OPTN: variants seen among roughly 807,000 people sequenced by gnomAD.
The protein encoded by OPTN is E3-14.7K-interacting protein.
A neutral mutation model predicts 70.4 loss-of-function variants in OPTN; 54 were observed. The ratio of observed to expected loss-of-function variants is 0.77; its 90% CI spans 0.62 to 0.96. OPTN has a LOEUF of 0.96. Among genes scored for constraint, OPTN ranks in the 40% least tolerant of loss-of-function variants. OPTN has a pLI of 0.00. For synonymous variants in OPTN, 256 were observed against 248.5 expected (o/e 1.03, Z -0.28); for missense variants, 624 against 673.2 (o/e 0.93, Z 0.81).
chr10:13,120,740 G>A (rs1833330222), intron 7 of OPTN, among the ~76,000 whole-genome samples: 1 of 152,084 alleles, frequency 6.6e-6, no homozygotes, highest in African/African-American at 2.4e-5. Context: ...AATGTCTTGA[G>A]TACTATAGCT....
intron 12 of OPTN, among the ~76,000 whole-genome samples, chr10:13,128,770 T>G (rs974198167): frequency 5.9e-5 from 9 of 152,026 alleles, no homozygotes; most frequent in Non-Finnish European, 1.3e-4. Flanking sequence ...CTCAAACTCC[T>G]GACCTCAGGT....
chr10:13,109,524 C>T (rs1832946847), intron 3 of OPTN: 2 of 520,054 alleles, frequency 3.8e-6, no homozygotes, highest in East Asian at 3.4e-5. Context: ...TGATATTTAG[C>T]CCATTCAAAA....
intron 13 of OPTN, 40 bp downstream of exon 13, chr10:13,132,237 C>T: frequency 6.2e-7 from 1 of 1,606,630 alleles, no homozygotes; most frequent in South Asian, 1.1e-5. Flanking sequence ...CTCACATCAG[C>T]ATGGCCGTAG....
chr10:13,127,981 G>A, intron 12 of OPTN, 78 bp downstream of exon 12: 2 of 1,487,464 alleles, frequency 1.3e-6, no homozygotes, highest in South Asian at 1.1e-5. Flanking sequence ...ATGGTGTTTA[G>A]AATGTTTGTA....
intron 9 of OPTN, 27 bp from the exon 10 acceptor site, chr10:13,125,391 T>C (rs754716904): frequency 6.2e-7 from 1 of 1,613,634 alleles, no homozygotes; most frequent in Non-Finnish European, 8.5e-7. Flanking sequence ...GCATTGTTTA[T>C]CCTCATGAAA....
At chr10:13,117,416 C>CT (rs531259062) in intron 6 of OPTN, among the ~76,000 whole-genome samples, 10 of 110,256 alleles carry the variant, frequency 9.1e-5, no homozygotes, top group South Asian at 3.0e-4. Flanking sequence ...AGAGATCCAT[C>CT]TTTTTTTTTT....
chr10:13,123,392 T>C (rs1256128727), intron 8 of OPTN, among the ~76,000 whole-genome samples: 2 of 152,228 alleles, frequency 1.3e-5, no homozygotes, highest in Non-Finnish European at 2.9e-5. Flanking sequence ...ATTGAATGCC[T>C]ATTGTATGTC....
chr10:13,125,059 C>CT (rs989036844), intron 9 of OPTN, among the ~76,000 whole-genome samples: 7 of 151,434 alleles, frequency 4.6e-5, no homozygotes, highest in Middle Eastern at 3.2e-3. Context: ...GAACCTATAA[C>CT]TTTTTTTTTA....
chr10:13,115,547 T>TA (rs1456262371), intron 5 of OPTN, among the ~76,000 whole-genome samples: 173 of 66,674 alleles, frequency 2.6e-3, no homozygotes, highest in Admixed American at 3.3e-3. Flanking sequence ...TAGAATATAT[T>TA]ATACATTATA....
intron 12 of OPTN, among the ~76,000 whole-genome samples, chr10:13,129,443 C>T (rs928137957): frequency 6.6e-6 from 1 of 152,022 alleles, no homozygotes; most frequent in Non-Finnish European, 1.5e-5. Flanking sequence ...ACCTCCACCT[C>T]CCGGGTTCAA....
At position 13,136,760 on chromosome 10, in the gene OPTN, A is replaced by C; in HGVS notation, c.1628A>C (p.Asp543Ala). Residue 543 changes from aspartate to alanine, a missense_variant, in exon 15 of 15, where the codon GAC (aspartate) becomes GCC (alanine). Coordinates refer to ENST00000378747, the MANE Select transcript of OPTN (RefSeq NM_001008212.2). ...TTATTCCCAGGAGCTGAGGACAGGG[A>C]CTGGCGGCAACAGCGGAATATTCCG... The part of the protein sequence containing the change: ...YLVQRGAEDR[D>A]WRQQRNIPIH... The C allele has an allele frequency of 1.2e-6, 2 of 1,614,094 alleles. No individual in the cohort carries two copies. Among genetic ancestry groups the C allele is most frequent in the Non-Finnish European group, 1.7e-6 (2 of 1,179,956 alleles).
intron 12 of OPTN, among the ~76,000 whole-genome samples, chr10:13,130,124 C>G (rs1477688677): frequency 1.3e-5 from 2 of 151,990 alleles, no homozygotes; most frequent in Non-Finnish European, 2.9e-5. Flanking sequence ...CTTTTTTGAG[C>G]ACTTATAATA....
intron 1 of OPTN, chr10:13,104,820 G>C (rs991499652): frequency 9.0e-6 from 4 of 444,130 alleles, no homozygotes; most frequent in African/African-American, 8.4e-5. Flanking sequence ...TTCAACAAAA[G>C]GTGGCATTCG....
At chr10:13,101,156 G>C (rs2131466111) in intron 1 of OPTN, among the ~76,000 whole-genome samples, 1 of 152,268 alleles carries the variant, frequency 6.6e-6, no homozygotes, top group Middle Eastern at 3.4e-3. Flanking sequence ...GAAGTCCCAG[G>C]GCAGACCCCA....
chr10:13,137,499 T>C lies in OPTN; in HGVS notation c.*633T>C. ...TAGCATGTGACATCATGTGACAAAG[T>C]TCATGTAATTAGATGGAAGAAACCT... On this transcript the variant is annotated 3_prime_UTR_variant, in exon 15 of 15. Transcript: ENST00000378747. The C allele has an allele frequency of 4.4e-6, 1 of 227,722 alleles. No individual in the cohort carries two copies. Among genetic ancestry groups the C allele is most frequent in the South Asian group, 1.8e-4 (1 of 5,518 alleles). 14.1% of individuals were successfully genotyped at this position (227,722 alleles called of 1,614,324 possible).
Position 13,109,296 on chromosome 10 carries a change from G to T in OPTN, c.166+8G>T. 1 of 1,613,830 alleles carries T rather than the reference G, an allele frequency of 6.2e-7. No homozygotes were observed. Among genetic ancestry groups the T allele is most frequent in the Non-Finnish European group, 8.5e-7 (1 of 1,179,904 alleles). On this transcript the variant is annotated splice_region_variant and intron_variant, in intron 3 of 14. Coordinates refer to ENST00000378747, the MANE Select transcript of OPTN (RefSeq NM_001008212.2). The stretch of plus-strand genomic sequence containing the variant: ...AGAACCACCAGCTGAAAGGTGAGCA[G>T]GGCTGGCCCCTGTGTGCCCCATTCA...
chr10:13,133,725 A>T (rs1476604250), intron 14 of OPTN, 144 bp downstream of exon 14: 2 of 740,112 alleles, frequency 2.7e-6, no homozygotes, highest in East Asian at 2.7e-5. Context: ...TTACCACAGC[A>T]CTCCCATCTC....
Position 13,100,279 on chromosome 10 carries a change from G to T in OPTN, c.-187G>T. ...ACGATGCCGAGGAAACAGTGACCCT[G>T]AGCGAAGCCAAGCCGGGCGGCAGGT... On this transcript the variant is annotated 5_prime_UTR_variant, in exon 1 of 15. Coordinates refer to ENST00000378747, the MANE Select transcript of OPTN (RefSeq NM_001008212.2). 6.6e-6 allele frequency: 1 copy of T among 152,632 alleles called. No homozygotes were observed. The highest frequency in any genetic ancestry group is 2.0e-4 in the South Asian group (1 of 4,966). The allele number at this position is 152,632 out of a possible 1,614,324, so 9.5% of individuals were successfully genotyped here.
intron 1 of OPTN, among the ~76,000 whole-genome samples, chr10:13,101,821 G>A (rs1276831344): frequency 1.3e-5 from 2 of 152,114 alleles, no homozygotes; most frequent in Non-Finnish European, 2.9e-5. Flanking sequence ...GTGGAACTGT[G>A]GAGAAACTCC....
Sources: allele counts gnomAD v4.1 joint callset (sites outside exome capture counted in the v4.1 genomes callset), GRCh38; gene constraint gnomAD v4.1.1; transcripts MANE v1.5; gene names NCBI Gene and HGNC (gene_info 2026-07-23, HGNC 2026-07-21).